Variants in CSGALNACT1 observed in about 807,000 individuals in gnomAD.
CSGALNACT1 encodes the protein chondroitin sulfate N-acetylgalactosaminyltransferase 1.
Under a neutral mutation model 51.0 loss-of-function variants are expected in CSGALNACT1, and 52 were observed. The observed-to-expected ratio is 1.02, with a 90% CI of 0.82 to 1.29. The LOEUF is 1.29. CSGALNACT1 is among the 50% of genes most tolerant of loss of function. CSGALNACT1 has a pLI of 0.00. For synonymous variants in CSGALNACT1, 341 were observed against 254.4 expected, an observed-to-expected ratio of 1.34 and a Z score of -3.24; for missense variants, 935 against 679.2, an observed-to-expected ratio of 1.38 and a Z score of -4.19.
chr8:19,618,555 G>A (rs868681242), intron 1 of CSGALNACT1, among the ~76,000 whole-genome samples: 5 of 127,942 alleles, frequency 3.9e-5, no homozygotes, highest in South Asian at 2.7e-4. Flanking sequence ...CAGGAGAATC[G>A]TTTTAACCTG....
At chr8:19,625,452 G>A (rs564999729) in intron 1 of CSGALNACT1, among the ~76,000 whole-genome samples, 2 of 152,300 alleles carry the variant, frequency 1.3e-5, no homozygotes, top group Non-Finnish European at 2.9e-5. Flanking sequence ...TTGACTCCAG[G>A]TCTATCTGAC....
At chr8:19,496,018 C>T (rs576567440) in intron 4 of CSGALNACT1, among the ~76,000 whole-genome samples, 14 of 152,206 alleles carry the variant, frequency 9.2e-5, no homozygotes, top group Admixed American at 5.2e-4. Context: ...GAAGAAAGTT[C>T]GGAAAATAAT....
intron 1 of CSGALNACT1, among the ~76,000 whole-genome samples, chr8:19,691,342 G>C (rs2061309865): frequency 6.6e-6 from 1 of 152,124 alleles, no homozygotes; most frequent in African/African-American, 2.4e-5. Context: ...CACTGTTTTT[G>C]ACAACACAGC....
At chr8:19,613,331 C>T (rs1451041563) in intron 1 of CSGALNACT1, among the ~76,000 whole-genome samples, 2 of 152,178 alleles carry the variant, frequency 1.3e-5, no homozygotes, top group Non-Finnish European at 2.9e-5. Flanking sequence ...CTATGATAAA[C>T]CAAAAGTTAA....
chr8:19,695,135 T>C (rs2061523188), intron 1 of CSGALNACT1, among the ~76,000 whole-genome samples: 1 of 152,208 alleles, frequency 6.6e-6, no homozygotes, highest in African/African-American at 2.4e-5. Flanking sequence ...TCTCCCTACA[T>C]AATTTCACAT....
At chr8:19,419,135 T>C (rs550149770) in intron 7 of CSGALNACT1, among the ~76,000 whole-genome samples, 86 of 152,268 alleles carry the variant, frequency 5.6e-4, no homozygotes, top group Non-Finnish European at 9.6e-4. Flanking sequence ...CATGAGCCAC[T>C]GCGCCCGGCC....
intron 1 of CSGALNACT1, among the ~76,000 whole-genome samples, chr8:19,625,815 G>A (rs909988627): frequency 6.6e-6 from 1 of 152,310 alleles, no homozygotes; most frequent in African/African-American, 2.4e-5. Flanking sequence ...TTCATCCTAA[G>A]CCAGTTAGTT....
intron 1 of CSGALNACT1, among the ~76,000 whole-genome samples, chr8:19,626,221 G>C (rs2054435616): frequency 6.6e-6 from 1 of 152,150 alleles, no homozygotes; most frequent in Non-Finnish European, 1.5e-5. Flanking sequence ...AGAGAAAAAG[G>C]TCCATAGATC....
At chr8:19,592,437 A>G (rs1047912519) in intron 2 of CSGALNACT1, among the ~76,000 whole-genome samples, 5 of 152,246 alleles carry the variant, frequency 3.3e-5, no homozygotes, top group African/African-American at 7.2e-5. Flanking sequence ...GAGGGGGAAC[A>G]AAGAGACAAA....
chr8:19,612,683 G>A (rs77472576), intron 1 of CSGALNACT1, among the ~76,000 whole-genome samples: 3,168 of 151,918 alleles, frequency 0.021, 122 homozygotes, highest in African/African-American at 0.072. Flanking sequence ...TGTAGCTTCC[G>A]ACATCTGAGA....
intron 3 of CSGALNACT1, among the ~76,000 whole-genome samples, chr8:19,523,090 A>G (rs2081038915): frequency 6.6e-6 from 1 of 152,198 alleles, no homozygotes; most frequent in Admixed American, 6.5e-5. Flanking sequence ...ACTGCATTGC[A>G]AAAATCTACA....
chr8:19,633,619 A>C (rs1352739715), intron 1 of CSGALNACT1, among the ~76,000 whole-genome samples: 1 of 152,212 alleles, frequency 6.6e-6, no homozygotes, highest in Non-Finnish European at 1.5e-5. Context: ...GGAAGCTGGG[A>C]GGAGGCAAGG....
Position 19,568,157 on chromosome 8 carries a change from C to G in CSGALNACT1, c.-297+23003G>C, listed in dbSNP as rs78503569. Among the ~76,000 whole-genome samples, 773 of 152,286 alleles carry G rather than the reference C, an allele frequency of 5.1e-3. 7 individuals carry two copies. The highest frequency in any genetic ancestry group is 0.016 in the African/African-American group (652 of 41,574). ...ATGGGAATACATTCTGAGAAACACACTCTTAGGTTATTTAATCATGCAAAC... is the reference window on the plus strand; with the variant it reads ...ATGGGAATACATTCTGAGAAACACAGTCTTAGGTTATTTAATCATGCAAAC... On this transcript the variant is annotated intron_variant, in intron 3 of 9. Transcript: ENST00000454498.
chr8:19,707,231 A>G (rs7836255), intron 1 of CSGALNACT1, among the ~76,000 whole-genome samples: 116,638 of 152,054 alleles, frequency 0.77, 44,912 homozygotes, highest in East Asian at 0.85. Flanking sequence ...GAAATTCTTG[A>G]TTGGTTGACA....
intron 4 of CSGALNACT1, among the ~76,000 whole-genome samples, chr8:19,460,441 ACT>A (rs1382769582): frequency 5.9e-5 from 9 of 152,012 alleles, no homozygotes; most frequent in African/African-American, 2.2e-4. Context: ...AGGGTTCAGA[ACT>A]CTCTATGCTT....
At chr8:19,720,195 C>T (rs913538413) in intron 1 of CSGALNACT1, among the ~76,000 whole-genome samples, 7 of 152,208 alleles carry the variant, frequency 4.6e-5, no homozygotes, top group East Asian at 1.9e-4. Flanking sequence ...AGTGAAACCC[C>T]GCAATTCATG....
intron 9 of CSGALNACT1, 61 bp from the exon 9 acceptor site, chr8:19,406,130 T>C (rs2054121608): frequency 6.3e-7 from 1 of 1,593,796 alleles, no homozygotes; most frequent in Non-Finnish European, 8.6e-7. Context: ...TTCCCTGAGT[T>C]GCAACAAGCA....
chr8:19,426,044 C>G (rs1326785445), intron 6 of CSGALNACT1, among the ~76,000 whole-genome samples: 2 of 152,174 alleles, frequency 1.3e-5, no homozygotes, highest in African/African-American at 4.8e-5. Context: ...CTAGCAGACT[C>G]CACAGGCTTC....
chr8:19,506,882 CT>C, intron 3 of CSGALNACT1, among the ~76,000 whole-genome samples: 1 of 152,172 alleles, frequency 6.6e-6, no homozygotes, highest in South Asian at 2.1e-4. Flanking sequence ...AGATAAACCT[CT>C]TTTCTTTTTA....
Sources: gnomAD v4.1 joint callset for allele counts (sites outside exome capture counted in the v4.1 genomes callset) on GRCh38, gnomAD v4.1.1 for gene constraint, MANE v1.5 for transcripts, NCBI Gene and HGNC (gene_info 2026-07-23, HGNC 2026-07-21) for gene names.